Variants in DCLK2 observed in about 807,000 individuals in gnomAD.
The protein encoded by DCLK2 is serine/threonine-protein kinase DCLK2.
DCLK2 carries 31 observed loss-of-function variants against 78.4 expected under a neutral mutation model. The ratio of observed to expected loss-of-function variants is 0.40; its 90% CI spans 0.30 to 0.53. The LOEUF (loss-of-function observed/expected upper bound fraction) is 0.53. Among genes scored for constraint, DCLK2 ranks in the 20% least tolerant of loss-of-function variants. DCLK2 has a pLI of 0.61. For missense variants in DCLK2, 872 were observed against 973.7 expected, an observed-to-expected ratio of 0.90 and a Z score of 1.39; for synonymous variants, 407 against 374.9, an observed-to-expected ratio of 1.09 and a Z score of -0.99.
At chr4:150,142,709 A>G (rs763723641) in intron 2 of DCLK2, among the ~76,000 whole-genome samples, 2 of 152,224 alleles carry the variant, frequency 1.3e-5, no homozygotes. Flanking sequence ...TTTAACAAAC[A>G]CGAGAATCCC....
At chr4:150,199,131 T>G (rs1739282442) in intron 4 of DCLK2, 2 of 1,493,896 alleles carry the variant, frequency 1.3e-6, no homozygotes, top group Admixed American at 1.9e-5. Flanking sequence ...TGTTTTTGTT[T>G]TTTGCCACTT....
At chr4:150,147,433 A>G (rs1213829835) in intron 2 of DCLK2, among the ~76,000 whole-genome samples, 1 of 152,210 alleles carries the variant, frequency 6.6e-6, no homozygotes, top group Non-Finnish European at 1.5e-5. Context: ...GCTATGTGAA[A>G]GACCAGACCA....
intron 1 of DCLK2, among the ~76,000 whole-genome samples, chr4:150,096,075 G>C (rs1730440682): frequency 6.6e-6 from 1 of 152,244 alleles, no homozygotes; most frequent in Admixed American, 6.5e-5. Context: ...GCTGTGTGGA[G>C]GGTGAGGCCC....
rs1429001111 is a variant in DCLK2, at chr4:150,247,588, T to G, written c.1779-15T>G. On this transcript the variant is annotated splice_polypyrimidine_tract_variant and intron_variant, in intron 12 of 15. Transcript: ENST00000296550. Reference sequence around the variant, plus strand: ...TGACTTTGACTTTTCTTCCATTTCTTTGTCACTGGCTTAGTGAGAACAATC... The same window carrying G: ...TGACTTTGACTTTTCTTCCATTTCTGTGTCACTGGCTTAGTGAGAACAATC... 6.2e-7 allele frequency: 1 copy of G among 1,609,650 alleles called. No homozygotes were observed. The highest frequency in any genetic ancestry group is 8.5e-7 in the Non-Finnish European group (1 of 1,177,198).
At chr4:150,240,302 T>A in intron 11 of DCLK2, 97 bp from the exon 12 acceptor site, 1 of 1,022,314 alleles carries the variant, frequency 9.8e-7, no homozygotes, top group Admixed American at 2.2e-5. Flanking sequence ...AACACTAAAA[T>A]AATCCTTTTC....
intron 2 of DCLK2, among the ~76,000 whole-genome samples, chr4:150,168,853 G>A (rs1351173863): frequency 6.6e-6 from 1 of 152,160 alleles, no homozygotes; most frequent in East Asian, 1.9e-4. Flanking sequence ...CTGTTGAGCT[G>A]GTTACCAAGC....
At chr4:150,229,917 A>AT (rs1275793338) in intron 8 of DCLK2, among the ~76,000 whole-genome samples, 1 of 152,216 alleles carries the variant, frequency 6.6e-6, no homozygotes, top group Admixed American at 6.5e-5. Flanking sequence ...TCTAGAGAGC[A>AT]TTTTTTACAT....
At chr4:150,177,376 C>T (rs1240345474) in intron 2 of DCLK2, among the ~76,000 whole-genome samples, 1 of 152,044 alleles carries the variant, frequency 6.6e-6, no homozygotes, top group Non-Finnish European at 1.5e-5. Context: ...AATATTTAGG[C>T]CCAAATGTCA....
At chr4:150,167,714 C>T (rs918293224) in intron 2 of DCLK2, among the ~76,000 whole-genome samples, 4 of 152,214 alleles carry the variant, frequency 2.6e-5, no homozygotes, top group African/African-American at 2.4e-5. Context: ...TCGCAGCCAG[C>T]GCCAGAGAAG....
intron 2 of DCLK2, among the ~76,000 whole-genome samples, chr4:150,129,391 G>A (rs990067836): frequency 1.3e-5 from 2 of 152,052 alleles, no homozygotes; most frequent in Admixed American, 1.3e-4. Flanking sequence ...CTAATCATAT[G>A]TGTTATCAAA....
chr4:150,203,684 C>T (rs560614665), intron 4 of DCLK2, 111 bp from the exon 5 acceptor site: 10 of 678,368 alleles, frequency 1.5e-5, no homozygotes, highest in Admixed American at 2.9e-5. Flanking sequence ...GAGCTGAAAA[C>T]GAGTTGAAGC....
chr4:150,199,272 C>T (rs757751225), intron 4 of DCLK2, among the ~76,000 whole-genome samples: 52 of 152,268 alleles, frequency 3.4e-4, no homozygotes, highest in African/African-American at 1.2e-3. Flanking sequence ...TGGTTATCAT[C>T]AGAAGATTAC....
chr4:150,085,801 C>T (rs1260944071), intron 1 of DCLK2, among the ~76,000 whole-genome samples: 1 of 152,188 alleles, frequency 6.6e-6, no homozygotes, highest in African/African-American at 2.4e-5. Context: ...GATGTCCTCA[C>T]CTCCAGAACT....
rs375578370 is a variant in DCLK2 at position 150,079,024 on chromosome 4, C to A, written c.-4C>A. ...TTTTTGCGGACGCCCTCGGAGCAGC[C>A]GCGATGGCCAGCACCAGGAGTATCG... On this transcript the variant is annotated 5_prime_UTR_variant, in exon 1 of 16. Coordinates refer to ENST00000296550, the MANE Select transcript of DCLK2 (RefSeq NM_001040260.4). 1 of 1,526,158 alleles carries A rather than the reference C, an allele frequency of 6.6e-7. No individual in the cohort carries two copies. The highest frequency in any genetic ancestry group is 1.8e-4 in the Middle Eastern group (1 of 5,628). 94.5% of individuals were successfully genotyped at this position (1,526,158 alleles called of 1,614,324 possible).
At chr4:150,154,830 A>G (rs989708567) in intron 2 of DCLK2, among the ~76,000 whole-genome samples, 2 of 152,192 alleles carry the variant, frequency 1.3e-5, no homozygotes, top group Non-Finnish European at 2.9e-5. Context: ...TGCACAATTG[A>G]GTTGTGACAA....
At chr4:150,089,811 A>G (rs1729918420) in intron 1 of DCLK2, among the ~76,000 whole-genome samples, 1 of 152,200 alleles carries the variant, frequency 6.6e-6, no homozygotes, top group South Asian at 2.1e-4. Flanking sequence ...CTCAAACTAA[A>G]TTGGTGTTCC....
intron 2 of DCLK2, among the ~76,000 whole-genome samples, chr4:150,113,206 C>T (rs10027662): frequency 0.14 from 21,997 of 152,028 alleles, 1,986 homozygotes; most frequent in Non-Finnish European, 0.21. Flanking sequence ...TGTAGTTTTC[C>T]TTTTTGTTAT....
intron 3 of DCLK2, 85 bp downstream of exon 3, chr4:150,193,325 A>C (rs1462042165): frequency 3.7e-6 from 3 of 816,660 alleles, no homozygotes; most frequent in Non-Finnish European, 6.0e-6. Context: ...CAGTTGGTGC[A>C]TGTTAAGAAG....
intron 8 of DCLK2, among the ~76,000 whole-genome samples, chr4:150,226,618 A>G (rs1741638412): frequency 6.6e-6 from 1 of 152,172 alleles, no homozygotes; most frequent in African/African-American, 2.4e-5. Context: ...AGGTCTTTGT[A>G]TGCAAAAAAT....
Sources: gnomAD v4.1 joint callset for allele counts (sites outside exome capture counted in the v4.1 genomes callset) on GRCh38, gnomAD v4.1.1 for gene constraint, MANE v1.5 for transcripts, NCBI Gene and HGNC (gene_info 2026-07-23, HGNC 2026-07-21) for gene names.